Variants in IQCM observed in about 807,000 individuals in gnomAD.
IQCM encodes the protein IQ domain-containing protein M.
In IQCM, 45 loss-of-function variants were observed where a neutral mutation model predicts 57.6. That is an observed-to-expected ratio of 0.78 (90% CI 0.62 to 1.00). The LOEUF is 1.00. Ranked by LOEUF, IQCM falls within the 50% of genes least tolerant of loss-of-function variation. IQCM has a pLI of 0.00. For missense variants in IQCM, 468 were observed against 511.6 expected, an observed-to-expected ratio of 0.91 and a Z score of 0.82; for synonymous variants, 148 against 158.9, an observed-to-expected ratio of 0.93 and a Z score of 0.51.
chr4:149,527,453 G>T (rs969482276), intron 12 of IQCM, among the ~76,000 whole-genome samples: 3 of 152,180 alleles, frequency 2.0e-5, no homozygotes, highest in Admixed American at 1.3e-4. Context: ...GCCATGTGAG[G>T]ATGCAGCAAG....
chr4:149,606,437 T>A (rs950704140), intron 8 of IQCM, among the ~76,000 whole-genome samples: 1 of 152,136 alleles, frequency 6.6e-6, no homozygotes, highest in African/African-American at 2.4e-5. Flanking sequence ...TCAAGAAGTA[T>A]GAATACAAAC....
intron 12 of IQCM, among the ~76,000 whole-genome samples, chr4:149,507,210 T>A (rs932290165): frequency 6.6e-6 from 1 of 152,190 alleles, no homozygotes. Context: ...TGGGTATGCC[T>A]TTATCAGCAA....
At chr4:149,563,248 C>G (rs1003563417) in intron 10 of IQCM, among the ~76,000 whole-genome samples, 13 of 152,236 alleles carry the variant, frequency 8.5e-5, no homozygotes, top group African/African-American at 3.1e-4. Flanking sequence ...AATGAACAGA[C>G]AGCAAAGAAG....
At chr4:149,679,830 A>G (rs566160233) in intron 7 of IQCM, among the ~76,000 whole-genome samples, 2 of 151,576 alleles carry the variant, frequency 1.3e-5, no homozygotes, top group East Asian at 3.9e-4. Flanking sequence ...AGTTATAATA[A>G]TGATGTGGAG....
At chr4:149,455,495 T>C (rs1193466503) in intron 12 of IQCM, among the ~76,000 whole-genome samples, 1 of 152,084 alleles carries the variant, frequency 6.6e-6, no homozygotes, top group Non-Finnish European at 1.5e-5. Flanking sequence ...CATGAAGACA[T>C]GAGGACATGA....
rs187831370 is a variant in IQCM at position 149,712,806 on chromosome 4, G to A, written c.385+20438C>T. Among the ~76,000 whole-genome samples the A allele has an allele frequency of 3.9e-3, 597 of 152,234 alleles. 3 individuals carry two copies. Among genetic ancestry groups the A allele is most frequent in the Non-Finnish European group, 6.5e-3 (443 of 67,984 alleles). On this transcript the variant is annotated intron_variant, in intron 5 of 13. Transcript: ENST00000636793. ...CATGTCTCAGGAGGCTACTTTCCAA[G>A]AAATCCATGTCCCTGGAGTAGAGGA... is the stretch of plus-strand genomic sequence containing the variant.
intron 7 of IQCM, among the ~76,000 whole-genome samples, chr4:149,644,411 C>A (rs2150121373): frequency 6.6e-6 from 1 of 152,222 alleles, no homozygotes; most frequent in Non-Finnish European, 1.5e-5. Flanking sequence ...TTAGCTTTAA[C>A]TTTTTATTTG....
At chr4:149,773,820 A>G (rs1170700621) in intron 2 of IQCM, among the ~76,000 whole-genome samples, 2 of 152,114 alleles carry the variant, frequency 1.3e-5, no homozygotes, top group Admixed American at 6.5e-5. Context: ...GGTATCATGC[A>G]TATGCTCCCT....
At chr4:149,462,328 T>G (rs1167301378) in intron 12 of IQCM, among the ~76,000 whole-genome samples, 1 of 152,130 alleles carries the variant, frequency 6.6e-6, no homozygotes, top group African/African-American at 2.4e-5. Context: ...AGCAGAATAA[T>G]GATACTTCTT....
At chr4:149,493,520 C>T (rs2149779831) in intron 12 of IQCM, among the ~76,000 whole-genome samples, 1 of 152,046 alleles carries the variant, frequency 6.6e-6, no homozygotes, top group East Asian at 1.9e-4. Flanking sequence ...ATATTATCTC[C>T]CCAAAATATA....
intron 13 of IQCM, among the ~76,000 whole-genome samples, chr4:149,397,450 C>G (rs1387789903): frequency 1.3e-5 from 2 of 151,904 alleles, no homozygotes; most frequent in African/African-American, 4.8e-5. Flanking sequence ...TCCCCCATTG[C>G]TGTGCTCATA....
At chr4:149,592,204 AG>A (rs1310656355) in intron 8 of IQCM, among the ~76,000 whole-genome samples, 1 of 152,186 alleles carries the variant, frequency 6.6e-6, no homozygotes, top group Non-Finnish European at 1.5e-5. Context: ...TCTGATGGCC[AG>A]TGATGATGAG....
intron 13 of IQCM, among the ~76,000 whole-genome samples, chr4:149,425,258 G>A (rs189323451): frequency 1.3e-3 from 191 of 152,050 alleles, no homozygotes; most frequent in Middle Eastern, 3.4e-3. Flanking sequence ...CAGAGGAACA[G>A]ATCCAATAGG....
In IQCM at chr4:149,621,126, T is replaced by A; in HGVS notation, c.681+3A>T. On this transcript the variant is annotated splice_donor_region_variant and intron_variant, in intron 8 of 13. Coordinates refer to ENST00000636793, the MANE Select transcript of IQCM (RefSeq NM_001363507.2). ...ATCTACATCCAGTTTTATAAATACTTACAGAATAATAATCCCGAAATATTG... is the reference window on the plus strand; with the variant it reads ...ATCTACATCCAGTTTTATAAATACTAACAGAATAATAATCCCGAAATATTG... 8.4e-7 allele frequency: 1 copy of A among 1,195,794 alleles called. No individual in the cohort carries two copies. Among genetic ancestry groups the A allele is most frequent in the Non-Finnish European group, 1.0e-6 (1 of 954,880 alleles). 74.1% of individuals were successfully genotyped at this position (1,195,794 alleles called of 1,614,324 possible).
At chr4:149,745,518 C>G (rs1017967784) in intron 2 of IQCM, among the ~76,000 whole-genome samples, 3 of 152,168 alleles carry the variant, frequency 2.0e-5, no homozygotes, top group Non-Finnish European at 2.9e-5. Context: ...AGTCCTCTCA[C>G]CCTTTCTTTT....
At chr4:149,735,947 CTTTTTTT>C (rs142987177) in intron 3 of IQCM, among the ~76,000 whole-genome samples, 1 of 139,876 alleles carries the variant, frequency 7.1e-6, no homozygotes, top group Admixed American at 7.2e-5. Flanking sequence ...TTTCTTTCGA[CTTTTTTT>C]TTTTTTTTTG....
At chr4:149,796,003 C>T (rs896460307) in intron 2 of IQCM, among the ~76,000 whole-genome samples, 6 of 152,158 alleles carry the variant, frequency 3.9e-5, no homozygotes, top group Non-Finnish European at 7.3e-5. Flanking sequence ...ACATTGCCAG[C>T]TATGGTGGCC....
At chr4:149,560,659 G>C (rs1389788450) in intron 10 of IQCM, among the ~76,000 whole-genome samples, 4 of 151,862 alleles carry the variant, frequency 2.6e-5, no homozygotes, top group African/African-American at 9.7e-5. Flanking sequence ...CAATCTCTGT[G>C]GTCTTTCGAT....
chr4:149,784,805 T>G (rs576491630), intron 2 of IQCM, among the ~76,000 whole-genome samples: 2 of 152,252 alleles, frequency 1.3e-5, no homozygotes, highest in Non-Finnish European at 2.9e-5. Flanking sequence ...CACTGCCTAA[T>G]ATGCATTTAT....
Sources: allele counts gnomAD v4.1 joint callset (sites outside exome capture counted in the v4.1 genomes callset), GRCh38; gene constraint gnomAD v4.1.1; transcripts MANE v1.5; gene names NCBI Gene and HGNC (gene_info 2026-07-23, HGNC 2026-07-21).